Variants in APPL2 observed in about 807,000 individuals in gnomAD.
APPL2 encodes the protein DCC-interacting protein 13-beta.
Under a neutral mutation model 92.7 loss-of-function variants are expected in APPL2, and 84 were observed. The ratio of observed to expected loss-of-function variants is 0.91; its 90% CI spans 0.76 to 1.09. The LOEUF is 1.09. Ranked by LOEUF, APPL2 falls within the 50% of genes least tolerant of loss-of-function variation. The pLI is 0.00. For synonymous variants in APPL2, 291 were observed against 291.0 expected, an observed-to-expected ratio of 1.00 and a Z score of 0.00; for missense variants, 736 against 824.5, an observed-to-expected ratio of 0.89 and a Z score of 1.31.
At chr12:105,235,833 C>G (rs960380451) in intron 1 of APPL2, 126 bp downstream of exon 1, 1 of 684,070 alleles carries the variant, frequency 1.5e-6, no homozygotes, top group Non-Finnish European at 2.0e-6. Flanking sequence ...CGGTGGGAGG[C>G]GCCGCGAGGG....
chr12:105,192,507 T>C (rs1887302740), intron 14 of APPL2, among the ~76,000 whole-genome samples: 1 of 146,868 alleles, frequency 6.8e-6, no homozygotes. Flanking sequence ...ACTGTCCCGT[T>C]ACACTGCCTT....
intron 2 of APPL2, among the ~76,000 whole-genome samples, chr12:105,221,904 C>T (rs1182269329): frequency 6.6e-6 from 1 of 152,248 alleles, no homozygotes; most frequent in Non-Finnish European, 1.5e-5. Flanking sequence ...CTAAATGCAA[C>T]TGTCACCTGA....
chr12:105,187,860 C>T (rs1886864656), intron 17 of APPL2, among the ~76,000 whole-genome samples: 1 of 151,988 alleles, frequency 6.6e-6, no homozygotes. Context: ...TTACCTGAAA[C>T]ACTAAATCAT....
intron 1 of APPL2, among the ~76,000 whole-genome samples, chr12:105,233,903 C>T (rs1248086023): frequency 1.3e-5 from 2 of 152,160 alleles, no homozygotes; most frequent in Non-Finnish European, 2.9e-5. Flanking sequence ...CAGGCATTTG[C>T]TATTGTTTTT....
At chr12:105,199,997 T>G (rs947315134) in intron 9 of APPL2, among the ~76,000 whole-genome samples, 14 of 151,848 alleles carry the variant, frequency 9.2e-5, no homozygotes, top group East Asian at 1.9e-4. Flanking sequence ...TTTGTTTTTT[T>G]TTTTTTTTTT....
At chr12:105,195,182 A>C in intron 14 of APPL2, 79 bp downstream of exon 14, 1 of 1,419,424 alleles carries the variant, frequency 7.0e-7, no homozygotes, top group Admixed American at 1.8e-5. Context: ...GTTTGTGTGG[A>C]TTAAGCAACA....
chr12:105,236,075 GAGAGCACT>G lies in APPL2; in HGVS notation c.-71_-64del. On this transcript the variant is annotated 5_prime_UTR_variant, in exon 1 of 21. Transcript: ENST00000258530. ...ACAGAGGGCAGGAGACGCGGCGGCCGAGAGCACTCCCCGGCTCTGGGCTCAGGCGACGC... is the reference window on the plus strand; with the variant it reads ...ACAGAGGGCAGGAGACGCGGCGGCCGCCCCGGCTCTGGGCTCAGGCGACGC... The G allele has an allele frequency of 8.6e-7, 1 of 1,164,006 alleles. No homozygotes were observed. The highest frequency in any genetic ancestry group is 1.1e-6 in the Non-Finnish European group (1 of 927,850). 72.1% of individuals were successfully genotyped at this position (1,164,006 alleles called of 1,614,324 possible).
intron 4 of APPL2, among the ~76,000 whole-genome samples, chr12:105,211,769 A>T (rs1269452539): frequency 6.6e-6 from 1 of 152,078 alleles, no homozygotes; most frequent in Admixed American, 6.5e-5. Context: ...CCTGCTGGAA[A>T]CCTACTCGCC....
intron 2 of APPL2, among the ~76,000 whole-genome samples, chr12:105,225,697 A>G (rs1201605490): frequency 6.6e-6 from 1 of 152,234 alleles, no homozygotes; most frequent in Non-Finnish European, 1.5e-5. Flanking sequence ...ACGTGACTCC[A>G]GGGACTACTG....
intron 17 of APPL2, among the ~76,000 whole-genome samples, chr12:105,179,759 T>C (rs1291814391): frequency 6.6e-6 from 1 of 151,996 alleles, no homozygotes; most frequent in Non-Finnish European, 1.5e-5. Context: ...TTCACGTTTG[T>C]CAGCCGCATG....
At chr12:105,200,886 ATCTATCT>A (rs1888132573) in intron 9 of APPL2, among the ~76,000 whole-genome samples, 1 of 125,986 alleles carries the variant, frequency 7.9e-6, no homozygotes, top group African/African-American at 3.2e-5. Flanking sequence ...CTATCTATCT[ATCTATCT>A]ATCTATCTAT....
At chr12:105,223,241 C>A (rs994342672) in intron 2 of APPL2, among the ~76,000 whole-genome samples, 2 of 152,168 alleles carry the variant, frequency 1.3e-5, no homozygotes, top group Non-Finnish European at 2.9e-5. Context: ...CAGGGAAGAG[C>A]TAAAGCTAAC....
rs779724451 is a variant in APPL2 at position 105,173,361 on chromosome 12, CTTAG to C, written c.*949_*952del. The C allele has an allele frequency of 1.3e-4, 20 of 152,584 alleles. No individual in the cohort carries two copies. Among genetic ancestry groups the C allele is most frequent in the African/African-American group, 3.4e-4 (14 of 41,506 alleles). The allele number at this position is 152,584 out of a possible 1,614,324, so 9.5% of individuals were successfully genotyped here. ...ACAAAGATAATAATAGTCTGTTGAA[CTTAG>C]TTACAGTTAAACACACTGTACCGAT... is the stretch of plus-strand genomic sequence containing the variant. On this transcript the variant is annotated 3_prime_UTR_variant, in exon 21 of 21. Coordinates refer to ENST00000258530, the MANE Select transcript of APPL2 (RefSeq NM_018171.5).
At chr12:105,210,365 A>G (rs1263680405) in intron 5 of APPL2, among the ~76,000 whole-genome samples, 2 of 152,214 alleles carry the variant, frequency 1.3e-5, no homozygotes, top group East Asian at 1.9e-4. Context: ...AGTAAGTAAT[A>G]TACTGACCAG....
intron 9 of APPL2, among the ~76,000 whole-genome samples, chr12:105,203,154 CG>C (rs1359343020): frequency 6.6e-6 from 1 of 152,158 alleles, no homozygotes; most frequent in Non-Finnish European, 1.5e-5. Flanking sequence ...CTGCAGGGGC[CG>C]GGGCCCCCCT....
At position 105,199,496 on chromosome 12, in the gene APPL2, A is replaced by T; in HGVS notation, c.740T>A (p.Met247Lys). ...AAGTAATTCTTGCTGGGACACCCGC[A>T]TCTTTTCCGCCTCGGCTTCCAGTTC... ...QVELEAEAEK[M>K]RVSQQELLSV... Residue 247 changes from methionine (M) to lysine (K), a missense_variant, in exon 10 of 21, where the codon ATG (methionine) becomes AAG (lysine). Coordinates refer to ENST00000258530, the MANE Select transcript of APPL2 (RefSeq NM_018171.5). 3.1e-6 allele frequency: 5 copies of T among 1,614,042 alleles called. No homozygotes were observed. Among genetic ancestry groups the T allele is most frequent in the Non-Finnish European group, 4.2e-6 (5 of 1,180,034 alleles).
intron 17 of APPL2, among the ~76,000 whole-genome samples, chr12:105,177,743 G>C (rs553886551): frequency 6.6e-6 from 1 of 152,194 alleles, no homozygotes; most frequent in Admixed American, 6.5e-5. Context: ...GGGTAAAAGA[G>C]GAATAATGTT....
At chr12:105,211,838 C>T (rs1043415264) in intron 4 of APPL2, among the ~76,000 whole-genome samples, 4 of 152,122 alleles carry the variant, frequency 2.6e-5, no homozygotes, top group Admixed American at 6.5e-5. Flanking sequence ...TACTCCCTAA[C>T]GGCTAGGCGT....
chr12:105,188,609 G>A (rs927645100), intron 16 of APPL2, among the ~76,000 whole-genome samples, 162 bp from the exon 17 acceptor site: 7 of 152,108 alleles, frequency 4.6e-5, no homozygotes, highest in African/African-American at 1.2e-4. Context: ...AAAGCTCTGC[G>A]TCTTCCATTT....
Sources: allele counts gnomAD v4.1 joint callset (sites outside exome capture counted in the v4.1 genomes callset), GRCh38; gene constraint gnomAD v4.1.1; transcripts MANE v1.5; gene names NCBI Gene and HGNC (gene_info 2026-07-23, HGNC 2026-07-21).